CACNA1C: variants seen among roughly 807,000 people sequenced by gnomAD.
CACNA1C encodes voltage-dependent L-type calcium channel subunit alpha-1C.
In CACNA1C, 30 loss-of-function variants were observed where a neutral mutation model predicts 229.0. The observed-to-expected ratio is 0.13, with a 90% CI of 0.10 to 0.18. The LOEUF (loss-of-function observed/expected upper bound fraction) is 0.18, where lower values mean the gene tolerates loss of function less well. Among genes scored for constraint, CACNA1C ranks in the 10% least tolerant of loss-of-function variants. The pLI is 1.00. For missense variants in CACNA1C, 1,658 were observed against 2,845.0 expected, an observed-to-expected ratio of 0.58 and a Z score of 9.49; for synonymous variants, 1,114 against 1,132.5, an observed-to-expected ratio of 0.98 and a Z score of 0.33.
intron 42 of CACNA1C, chr12:2,682,139 C>T: frequency 1.3e-6 from 1 of 787,240 alleles, no homozygotes; most frequent in Non-Finnish European, 2.1e-6. Context: ...AAGGACTTCT[C>T]AGCTATGCCA....
rs1402480923 is a variant in CACNA1C at position 1,970,916 on chromosome 12, G to A, written c.-147G>A. On this transcript the variant is annotated 5_prime_UTR_variant, in exon 1 of 47. Coordinates refer to the CACNA1C transcript ENST00000682462. ...TTTTACTGTAACTTAAACTTGCAGC[G>A]ATACGATACGGCCATGTCAACTTTT... The A allele has an allele frequency of 3.6e-5, 12 of 329,698 alleles. No homozygotes were observed. In the Admixed American group the frequency reaches 4.3e-4, roughly 12 times the overall value. 20.4% of individuals were successfully genotyped at this position (329,698 alleles called of 1,614,324 possible). A position where few individuals can be genotyped will look rare whatever the true frequency, so the allele number is the denominator to read the frequency against.
At chr12:2,211,426 C>A (rs918838373) in intron 3 of CACNA1C, among the ~76,000 whole-genome samples, 1 of 152,218 alleles carries the variant, frequency 6.6e-6, no homozygotes, top group Non-Finnish European at 1.5e-5. Flanking sequence ...TGGACTCTAA[C>A]TTCTCTAGAG....
intron 28 of CACNA1C, 72 bp from the exon 29 acceptor site, chr12:2,611,831 C>T (rs1343523187): frequency 9.4e-6 from 9 of 962,462 alleles, no homozygotes; most frequent in African/African-American, 3.2e-5. Flanking sequence ...TTCGAGAAGG[C>T]TGGGCAAAAG....
intron 9 of CACNA1C, among the ~76,000 whole-genome samples, chr12:2,546,523 A>G (rs952064827): frequency 6.6e-5 from 10 of 151,730 alleles, no homozygotes; most frequent in African/African-American, 2.4e-4. Context: ...GTGTCTTCAC[A>G]CTCTTCCGTG....
rs563322808 is a variant in CACNA1C at position 2,682,997 on chromosome 12, C to G, written c.5573+319C>G. ...TATAAACATTGTAGGCTGTAAGACA[C>G]AGTCATAAATATATTTTCTGGTGAG... On this transcript the variant is annotated intron_variant, in intron 43 of 46. Coordinates refer to ENST00000399655, the MANE Select transcript of CACNA1C (RefSeq NM_000719.7). Among the ~76,000 whole-genome samples, 72 of 105,546 alleles carry G rather than the reference C, an allele frequency of 6.8e-4. 1 individual carries two copies. The South Asian group carries it at 0.023, about 34-fold the overall frequency. 69.2% of individuals were successfully genotyped at this position (105,546 alleles called of 152,430 possible). A position where few individuals can be genotyped will look rare whatever the true frequency, so the allele number is the denominator to read the frequency against.
chr12:2,311,250 C>T (rs536626925), intron 3 of CACNA1C, among the ~76,000 whole-genome samples: 37 of 152,288 alleles, frequency 2.4e-4, no homozygotes, highest in African/African-American at 8.7e-4. Context: ...GAAGCAGCGG[C>T]TAGTGGAATT....
intron 3 of CACNA1C, among the ~76,000 whole-genome samples, chr12:2,256,975 G>A (rs2154397490): frequency 6.6e-6 from 1 of 152,220 alleles, no homozygotes; most frequent in African/African-American, 2.4e-5. Context: ...TGTTACAGTT[G>A]CACTCAAAAA....
chr12:2,495,460 G>T (rs2099744794), intron 7 of CACNA1C, among the ~76,000 whole-genome samples: 1 of 152,208 alleles, frequency 6.6e-6, no homozygotes, highest in Non-Finnish European at 1.5e-5. Context: ...GGTAGGAATA[G>T]ATATGACTGC....
At chr12:2,628,744 A>AC in intron 29 of CACNA1C, among the ~76,000 whole-genome samples, 1 of 1,196 alleles carries the variant, frequency 8.4e-4, no homozygotes, top group East Asian at 0.25. Context: ...TCATCTCTAC[A>AC]AAAAAAAATT....
intron 3 of CACNA1C, among the ~76,000 whole-genome samples, chr12:2,374,915 G>A (rs1032541072): frequency 3.5e-4 from 53 of 152,190 alleles, no homozygotes; most frequent in Non-Finnish European, 3.8e-4. Flanking sequence ...GCTTCACATC[G>A]GGATCTGTGG....
At position 2,605,305 on chromosome 12, in the gene CACNA1C, A is replaced by G. The variant is rs999958616; in HGVS notation, c.3048+137A>G. 1.2e-5 allele frequency: 8 copies of G among 647,892 alleles called. No homozygotes were observed. The African/African-American group carries it at 1.4e-4, about 12-fold the overall frequency. The allele number at this position is 647,892 out of a possible 1,614,324, so 40.1% of individuals were successfully genotyped here. A position where few individuals can be genotyped will look rare whatever the true frequency, so the allele number is the denominator to read the frequency against. ...ATGTGGGGTCCCGGACACTGGTCCC[A>G]CTGCATGTCCCGGTTCCGTAATGAA... On this transcript the variant is annotated intron_variant, in intron 23 of 46. Transcript: ENST00000399655. The surrounding 1 kb of genome is among the most constrained non-coding windows in gnomAD (Gnocchi z 6.2).
rs2154577603 is a variant in CACNA1C, at chr12:2,504,988, T to C, written c.1217+43T>C. 1.0e-6 allele frequency: 1 copy of C among 986,706 alleles called. No homozygotes were observed. The highest frequency in any genetic ancestry group is 1.4e-5 in the South Asian group (1 of 73,680). The allele number at this position is 986,706 out of a possible 1,614,324, so 61.1% of individuals were successfully genotyped here. A position where few individuals can be genotyped will look rare whatever the true frequency, so the allele number is the denominator to read the frequency against. ...AAAAGGTCTTGATTTTTCCATTTAT[T>C]TTTATTTATTCTTTCTGCTATTCCT... On this transcript the variant is annotated intron_variant, in intron 8 of 46. Transcript: ENST00000399655. The surrounding 1 kb of genome is among the most constrained non-coding windows in gnomAD (Gnocchi z 6.8).
At chr12:2,161,536 C>T (rs2095854786) in intron 3 of CACNA1C, among the ~76,000 whole-genome samples, 2 of 152,146 alleles carry the variant, frequency 1.3e-5, no homozygotes, top group Admixed American at 6.5e-5. Flanking sequence ...CCCATGGCAG[C>T]GGAGATAAAT....
chr12:2,239,749 G>C (rs2069055823), intron 3 of CACNA1C, among the ~76,000 whole-genome samples: 1 of 152,144 alleles, frequency 6.6e-6, no homozygotes, highest in Admixed American at 6.5e-5. Context: ...GAGGCTGTGT[G>C]CCCGGCTACC....
intron 18 of CACNA1C, among the ~76,000 whole-genome samples, chr12:2,590,020 G>A (rs990261190): frequency 4.6e-5 from 7 of 152,164 alleles, no homozygotes; most frequent in African/African-American, 1.7e-4. Flanking sequence ...CCGGGTGTCT[G>A]GCCCTTACCA....
At position 2,608,703 on chromosome 12, in the gene CACNA1C, C is replaced by T; in HGVS notation, c.3549C>T (p.Asp1183=). 1 of 1,614,058 alleles carries T rather than the reference C, an allele frequency of 6.2e-7. No homozygotes were observed. Among genetic ancestry groups the T allele is most frequent in the Non-Finnish European group, 8.5e-7 (1 of 1,179,966 alleles). ...AGGAGTACAAGAACTGTGAGCTGGA[C>T]AAGAACCAGGTAGCTTCCTAGGAAG... is the stretch of plus-strand genomic sequence containing the variant. The part of the protein sequence containing the change: ...GEQEYKNCEL[D]KNQRQCVEYA... Residue 1183 remains aspartate (D), a synonymous_variant, in exon 27 of 47, where the codon GAC becomes GAT. Coordinates refer to ENST00000399655, the MANE Select transcript of CACNA1C (RefSeq NM_000719.7). This position sits in a 1 kb window ranked among gnomAD's most constrained non-coding sequence, Gnocchi z 4.2.
chr12:2,053,212 C>T lies in CACNA1C; in HGVS notation c.-351C>T. ...CAGGCGGGCCCCGCGCGCCCCCCGC[C>T]CCTCCTCTCCGCCTCTTCTCGCCCT... On this transcript the variant is annotated 5_prime_UTR_variant, in exon 1 of 47. Transcript: ENST00000399655. The surrounding 1 kb of genome is among the most constrained non-coding windows in gnomAD (Gnocchi z 5.8). 1 of 1,011,580 alleles carries T rather than the reference C, an allele frequency of 9.9e-7. No individual in the cohort carries two copies. Among genetic ancestry groups the T allele is most frequent in the Non-Finnish European group, 1.2e-6 (1 of 847,282 alleles). The allele number at this position is 1,011,580 out of a possible 1,614,324, so 62.7% of individuals were successfully genotyped here. A position where few individuals can be genotyped will look rare whatever the true frequency, so the allele number is the denominator to read the frequency against.
chr12:2,672,368 G>C (rs757681842), intron 38 of CACNA1C: 4 of 152,132 alleles, frequency 2.6e-5, no homozygotes, highest in Non-Finnish European at 5.9e-5. Flanking sequence ...AAAAATGAAA[G>C]GTCCTTTTGG....
chr12:2,437,864 G>T (rs368444833), intron 3 of CACNA1C, among the ~76,000 whole-genome samples: 45 of 148,088 alleles, frequency 3.0e-4, no homozygotes, highest in African/African-American at 1.1e-3. Context: ...GGTGGTGATG[G>T]TGGTGGTAAT....
Sources: gnomAD v4.1 joint callset for allele counts (sites outside exome capture counted in the v4.1 genomes callset) on GRCh38, gnomAD v4.1.1 for gene constraint, Gnocchi (gnomAD v3.1) non-coding constraint, MANE v1.5 for transcripts, NCBI Gene and HGNC (gene_info 2026-07-23, HGNC 2026-07-21) for gene names.